Variants in CDK6 observed in about 807,000 individuals in gnomAD.
CDK6 encodes the protein cyclin dependent kinase 6.
A neutral mutation model predicts 37.1 loss-of-function variants in CDK6; 6 were observed. The observed-to-expected ratio is 0.16, with a 90% CI of 0.09 to 0.32. The LOEUF is 0.32. CDK6 is among the 10% of genes least tolerant of loss of function. CDK6 has a pLI of 1.00. For missense variants in CDK6, 224 were observed against 418.9 expected (o/e 0.53, Z 4.06); for synonymous variants, 160 against 161.3 (o/e 0.99, Z 0.06).
chr7:92,654,936 C>T (rs1796656580), intron 5 of CDK6, among the ~76,000 whole-genome samples: 1 of 152,054 alleles, frequency 6.6e-6, no homozygotes, highest in Admixed American at 6.5e-5. Context: ...GCCTCAATCT[C>T]CCAGGCTCAA....
At chr7:92,641,426 A>T (rs931006604) in intron 5 of CDK6, among the ~76,000 whole-genome samples, 1 of 152,102 alleles carries the variant, frequency 6.6e-6, no homozygotes, top group Admixed American at 6.6e-5. Flanking sequence ...TTGATGCCCA[A>T]ATTGTTTTAT....
chr7:92,649,944 A>G (rs967831809), intron 5 of CDK6, among the ~76,000 whole-genome samples: 1 of 152,232 alleles, frequency 6.6e-6, no homozygotes, highest in African/African-American at 2.4e-5. Flanking sequence ...TTGTGCTAAC[A>G]CATCTTGAAA....
intron 3 of CDK6, among the ~76,000 whole-genome samples, chr7:92,728,112 G>A (rs1481714729): frequency 1.3e-5 from 2 of 152,070 alleles, no homozygotes; most frequent in African/African-American, 2.4e-5. Flanking sequence ...CATGCACATC[G>A]TTTTTATTTG....
chr7:92,650,338 G>GAC (rs781517742), intron 5 of CDK6, among the ~76,000 whole-genome samples: 6 of 152,188 alleles, frequency 3.9e-5, no homozygotes, highest in African/African-American at 1.2e-4. Context: ...TTACTGTGTA[G>GAC]ACATTCTCAG....
intron 5 of CDK6, among the ~76,000 whole-genome samples, chr7:92,666,263 C>T (rs943860207): frequency 1.3e-5 from 2 of 152,232 alleles, no homozygotes; most frequent in Admixed American, 1.3e-4. Flanking sequence ...TACACTTCTT[C>T]ACAGCATTTA....
intron 4 of CDK6, among the ~76,000 whole-genome samples, chr7:92,714,562 G>A (rs1298743386): frequency 6.6e-6 from 1 of 152,106 alleles, no homozygotes; most frequent in Non-Finnish European, 1.5e-5. Flanking sequence ...CATGTTGTAT[G>A]GCTGTTCCCA....
intron 6 of CDK6, 114 bp downstream of exon 6, chr7:92,622,922 G>A: frequency 4.4e-6 from 3 of 678,516 alleles, no homozygotes; most frequent in Non-Finnish European, 7.8e-6. Flanking sequence ...GTCTGCAGCA[G>A]CTGCTTGAAG....
At chr7:92,730,991 T>C (rs1798633766) in intron 3 of CDK6, among the ~76,000 whole-genome samples, 1 of 152,158 alleles carries the variant, frequency 6.6e-6, no homozygotes, top group African/African-American at 2.4e-5. Context: ...AGCAATGAAA[T>C]AGTGACTAAC....
At chr7:92,819,844 A>G (rs1801126606) in intron 2 of CDK6, among the ~76,000 whole-genome samples, 1 of 152,010 alleles carries the variant, frequency 6.6e-6, no homozygotes, top group Admixed American at 6.6e-5. Flanking sequence ...TCTTTAGAAT[A>G]CAAAGCAAAA....
chr7:92,818,240 GGATA>G (rs1431555392), intron 2 of CDK6, among the ~76,000 whole-genome samples: 3 of 151,942 alleles, frequency 2.0e-5, no homozygotes, highest in South Asian at 2.1e-4. Flanking sequence ...ATTGGCAAAA[GGATA>G]GATATATAGA....
chr7:92,788,281 A>G (rs1305412739), intron 2 of CDK6, among the ~76,000 whole-genome samples: 1 of 152,194 alleles, frequency 6.6e-6, no homozygotes, highest in Non-Finnish European at 1.5e-5. Context: ...ACTGTGGGAG[A>G]TAATTTGTAA....
At chr7:92,827,018 A>G (rs1801340126) in intron 2 of CDK6, among the ~76,000 whole-genome samples, 1 of 152,170 alleles carries the variant, frequency 6.6e-6, no homozygotes, top group African/African-American at 2.4e-5. Context: ...ACCATCAGTC[A>G]TCCTGTCTTA....
Position 92,614,792 on chromosome 7 carries a change from C to T in CDK6, c.*348G>A. On this transcript the variant is annotated 3_prime_UTR_variant, in exon 8 of 8. Coordinates refer to ENST00000424848, the MANE Select transcript of CDK6 (RefSeq NM_001145306.2). ...CAGCTGCAGAGAGATTACATCATAA[C>T]TCAGCTGTGCCTGGATTACCCACTC... The T allele has an allele frequency of 3.0e-6, 1 of 333,008 alleles. No homozygotes were observed. The highest frequency in any genetic ancestry group is 6.7e-5 in the South Asian group (1 of 15,026). 20.6% of individuals were successfully genotyped at this position (333,008 alleles called of 1,614,324 possible).
chr7:92,744,102 C>G (rs749097282), intron 3 of CDK6, among the ~76,000 whole-genome samples: 18 of 152,154 alleles, frequency 1.2e-4, no homozygotes, highest in Non-Finnish European at 2.5e-4. Flanking sequence ...CTATTCAGGA[C>G]CTCCCTGGCA....
At chr7:92,774,934 G>A in intron 2 of CDK6, 103 bp from the exon 3 acceptor site, 1 of 1,015,194 alleles carries the variant, frequency 9.9e-7, no homozygotes, top group Non-Finnish European at 1.4e-6. Flanking sequence ...AGAAAAAAAA[G>A]GCCAGTGTTG....
chr7:92,679,295 T>C (rs1797279831), intron 4 of CDK6, among the ~76,000 whole-genome samples: 1 of 152,194 alleles, frequency 6.6e-6, no homozygotes, highest in Non-Finnish European at 1.5e-5. Flanking sequence ...TGTCCTCTGT[T>C]AACATTTTAA....
At chr7:92,663,529 C>T (rs915367786) in intron 5 of CDK6, among the ~76,000 whole-genome samples, 2 of 151,726 alleles carry the variant, frequency 1.3e-5, no homozygotes, top group Non-Finnish European at 2.9e-5. Flanking sequence ...AGCGAAACCC[C>T]GTATCTACTA....
At chr7:92,760,382 A>G (rs1241028025) in intron 3 of CDK6, among the ~76,000 whole-genome samples, 1 of 152,166 alleles carries the variant, frequency 6.6e-6, no homozygotes, top group African/African-American at 2.4e-5. Context: ...ATGTATACAC[A>G]CTGATTATTT....
chr7:92,761,883 G>T (rs76201097), intron 3 of CDK6, among the ~76,000 whole-genome samples: 2,235 of 152,270 alleles, frequency 0.015, 53 homozygotes, highest in African/African-American at 0.051. Context: ...TGTAATTTGT[G>T]TTTTACTTCC....
Sources: allele counts gnomAD v4.1 joint callset (sites outside exome capture counted in the v4.1 genomes callset), GRCh38; gene constraint gnomAD v4.1.1; transcripts MANE v1.5; gene names NCBI Gene and HGNC (gene_info 2026-07-23, HGNC 2026-07-21).